PDE1C: variants seen among roughly 807,000 people sequenced by gnomAD.
PDE1C encodes dual specificity calcium/calmodulin-dependent 3',5'-cyclic nucleotide phosphodiesterase 1C.
Under a neutral mutation model 93.1 loss-of-function variants are expected in PDE1C, and 62 were observed. The ratio of observed to expected loss-of-function variants is 0.67; its 90% CI spans 0.54 to 0.82. The LOEUF is 0.82. Among genes scored for constraint, PDE1C ranks in the 40% least tolerant of loss-of-function variants. The pLI, the probability that PDE1C is intolerant of heterozygous loss-of-function variation, is 0.00. For synonymous variants in PDE1C, 325 were observed against 310.1 expected (o/e 1.05, Z -0.50); for missense variants, 742 against 884.6 (o/e 0.84, Z 2.04).
intron 1 of PDE1C, among the ~76,000 whole-genome samples, chr7:32,053,634 G>A (rs1793673242): frequency 6.6e-6 from 1 of 152,168 alleles, no homozygotes; most frequent in African/African-American, 2.4e-5. Flanking sequence ...AGCATCTTCA[G>A]AGGTCAGAAG....
At chr7:31,864,225 G>A (rs1316802407) in intron 7 of PDE1C, among the ~76,000 whole-genome samples, 2 of 152,144 alleles carry the variant, frequency 1.3e-5, no homozygotes, top group Non-Finnish European at 2.9e-5. Context: ...TGAAGATGGT[G>A]CACGCCCATA....
the PDE1C span, among the ~76,000 whole-genome samples, chr7:31,641,878 T>G: frequency 1.3e-5 from 2 of 152,226 alleles, no homozygotes; most frequent in Non-Finnish European, 2.9e-5. Flanking sequence ...GGATTTTCTT[T>G]CCCTTAGTAA....
At chr7:32,104,407 C>G (rs1411460029) in intron 3 of PDE1C, among the ~76,000 whole-genome samples, 2 of 152,246 alleles carry the variant, frequency 1.3e-5, no homozygotes, top group East Asian at 3.9e-4. Context: ...GAGCTTTATG[C>G]CTAGCTAAAA....
At chr7:32,374,256 G>GAAAGAAAGAAAGA (rs1784389218) in intron 1 of PDE1C, among the ~76,000 whole-genome samples, 1 of 113,250 alleles carries the variant, frequency 8.8e-6, no homozygotes, top group Non-Finnish European at 1.8e-5. Flanking sequence ...GAAAGGAAAG[G>GAAAGAAAGAAAGA]AAGAAAGAAA....
intron 3 of PDE1C, among the ~76,000 whole-genome samples, chr7:32,156,406 G>A (rs1482933285): frequency 6.6e-6 from 1 of 152,172 alleles, no homozygotes; most frequent in Non-Finnish European, 1.5e-5. Flanking sequence ...AAGAGCCCCC[G>A]TTGGCCATTC....
At chr7:31,892,794 G>C (rs1450220986) in intron 2 of PDE1C, among the ~76,000 whole-genome samples, 1 of 152,080 alleles carries the variant, frequency 6.6e-6, no homozygotes, top group East Asian at 1.9e-4. Flanking sequence ...GTTAATCAAA[G>C]GGTACAAAGT....
intron 9 of PDE1C, among the ~76,000 whole-genome samples, chr7:31,839,417 GACAC>G (rs145936818): frequency 5.0e-5 from 7 of 139,194 alleles, no homozygotes; most frequent in South Asian, 4.6e-4. Flanking sequence ...TATATACATA[GACAC>G]ACACACACAC....
chr7:32,330,067 C>A lies in PDE1C; in HGVS notation c.310+97755G>T, dbSNP rs544721409. 2.6e-5 allele frequency among the ~76,000 whole-genome samples: 4 copies of A among 152,386 alleles called. No individual in the cohort carries two copies. In the South Asian group the frequency reaches 8.3e-4, roughly 32 times the overall value. On this transcript the variant is annotated intron_variant, in intron 1 of 1. Coordinates refer to the PDE1C transcript ENST00000672256. Reference sequence around the variant, plus strand: ...AGATCAACCAAATAGATTCAGAACACATATCTTTGGCCCACCTTTCCCAAA... The same window carrying A: ...AGATCAACCAAATAGATTCAGAACAAATATCTTTGGCCCACCTTTCCCAAA...
chr7:31,699,177 G>A, the PDE1C span, among the ~76,000 whole-genome samples: 2 of 72,310 alleles, frequency 2.8e-5, no homozygotes, highest in African/African-American at 7.3e-5. Flanking sequence ...AAGAGGAAAG[G>A]TTCTGAGGAC....
At chr7:31,677,119 T>C in the PDE1C span, among the ~76,000 whole-genome samples, 1 of 152,168 alleles carries the variant, frequency 6.6e-6, no homozygotes, top group African/African-American at 2.4e-5. Flanking sequence ...GAGATGGAAG[T>C]CTAAACAGGC....
At position 31,837,915 on chromosome 7, in the gene PDE1C, A is replaced by C; in HGVS notation, c.1037T>G (p.Phe346Cys). Residue 346 changes from phenylalanine to cysteine, a missense_variant, in exon 10 of 18, where the codon TTC (phenylalanine) becomes TGC (cysteine). Phe to Cys is a radical substitution (Grantham distance 205, BLOSUM62 -2). Transcript: ENST00000396191. ...MVMATDMSCH[F>C]QQIKAMKTAL... Reference sequence around the variant, plus strand: ...AGTCTTCATTGCTTTGATTTGTTGGAAGTGACAAGACATATCTGTGGCCAT... The same window carrying C: ...AGTCTTCATTGCTTTGATTTGTTGGCAGTGACAAGACATATCTGTGGCCAT... The C allele has an allele frequency of 1.2e-6, 2 of 1,613,862 alleles. No homozygotes were observed. Among genetic ancestry groups the C allele is most frequent in the Non-Finnish European group, 1.7e-6 (2 of 1,179,750 alleles).
chr7:31,820,701 C>G (rs1788850197), intron 14 of PDE1C: 1 of 152,116 alleles, frequency 6.6e-6, no homozygotes, highest in Non-Finnish European at 1.5e-5. Flanking sequence ...CAGATGCGAA[C>G]TAGATTTCTA....
Position 32,262,834 on chromosome 7 carries a change from T to C in PDE1C, c.85+35817A>G, listed in dbSNP as rs141307876. On this transcript the variant is annotated intron_variant, in intron 1 of 18. Coordinates refer to the PDE1C transcript ENST00000396193. The stretch of plus-strand genomic sequence containing the variant: ...TTTTAGAAAATTAAGGCAGATGATA[T>C]GTCTTGAAGGCCTAGGTGTAGGGGC... 5.8e-3 allele frequency among the ~76,000 whole-genome samples: 878 copies of C among 152,356 alleles called. 10 individuals carry two copies. Among genetic ancestry groups the C allele is most frequent in the African/African-American group, 0.02 (829 of 41,582 alleles).
chr7:32,199,231 T>G (rs1321559636), intron 2 of PDE1C, among the ~76,000 whole-genome samples: 1 of 152,212 alleles, frequency 6.6e-6, no homozygotes, highest in East Asian at 1.9e-4. Flanking sequence ...TCGTCTATAC[T>G]GTTCTGCAGT....
At chr7:31,958,225 G>A (rs1808428079) in intron 2 of PDE1C, among the ~76,000 whole-genome samples, 1 of 152,096 alleles carries the variant, frequency 6.6e-6, no homozygotes, top group African/African-American at 2.4e-5. Flanking sequence ...CGTTTTCCAG[G>A]GCTCGTCAAT....
At chr7:31,806,606 G>A (rs936805903) in intron 16 of PDE1C, among the ~76,000 whole-genome samples, 2 of 151,934 alleles carry the variant, frequency 1.3e-5, no homozygotes, top group Non-Finnish European at 2.9e-5. Flanking sequence ...ATGCCAGGAT[G>A]TAATTTACCT....
chr7:31,654,480 T>C, the PDE1C span, among the ~76,000 whole-genome samples: 1 of 152,154 alleles, frequency 6.6e-6, no homozygotes, highest in African/African-American at 2.4e-5. Context: ...ATAATCTGAT[T>C]TACGTTTTGA....
chr7:31,683,115 C>T, the PDE1C span, among the ~76,000 whole-genome samples: 5 of 152,058 alleles, frequency 3.3e-5, no homozygotes, highest in Admixed American at 3.3e-4. Context: ...GTATAGAACT[C>T]AATACACACA....
chr7:31,967,731 C>T (rs1810250771), intron 2 of PDE1C, among the ~76,000 whole-genome samples: 1 of 152,204 alleles, frequency 6.6e-6, no homozygotes, highest in Admixed American at 6.5e-5. Context: ...CAAACCAAAT[C>T]CAGCAGCACA....
Sources: allele counts gnomAD v4.1 joint callset (sites outside exome capture counted in the v4.1 genomes callset), GRCh38; gene constraint gnomAD v4.1.1; transcripts MANE v1.5; gene names NCBI Gene and HGNC (gene_info 2026-07-23, HGNC 2026-07-21).